ACOT7: variants seen among roughly 807,000 people sequenced by gnomAD.
The protein encoded by ACOT7 is cytosolic acyl coenzyme A thioester hydrolase.
ACOT7 carries 12 observed loss-of-function variants against 40.2 expected under a neutral mutation model. That is an observed-to-expected ratio of 0.30 (90% CI 0.19 to 0.48). The LOEUF is 0.48. ACOT7 is among the 20% of genes least tolerant of loss of function. ACOT7 has a pLI of 0.99. For synonymous variants in ACOT7, 228 were observed against 219.5 expected (o/e 1.04, Z -0.34); for missense variants, 395 against 530.8 (o/e 0.74, Z 2.51).
chr1:6,321,260 G>GT (rs1381836919), intron 5 of ACOT7, among the ~76,000 whole-genome samples: 2 of 152,216 alleles, frequency 1.3e-5, no homozygotes, highest in African/African-American at 4.8e-5. Flanking sequence ...TTACTTTAAA[G>GT]TTTGAACAGT....
At chr1:6,380,265 C>CATTT (rs1010189092) in intron 1 of ACOT7, among the ~76,000 whole-genome samples, 1 of 151,490 alleles carries the variant, frequency 6.6e-6, no homozygotes. Flanking sequence ...GAAATAAACT[C>CATTT]AAATGATATA....
intron 1 of ACOT7, among the ~76,000 whole-genome samples, chr1:6,373,134 T>C (rs1557672004): frequency 1.3e-5 from 2 of 152,060 alleles, no homozygotes; most frequent in African/African-American, 2.4e-5. Flanking sequence ...ATAACAAAAA[T>C]GATAACGAAA....
At chr1:6,344,750 C>T (rs758512887) in intron 2 of ACOT7, among the ~76,000 whole-genome samples, 29 of 108,002 alleles carry the variant, frequency 2.7e-4, no homozygotes, top group Admixed American at 7.4e-4. Context: ...GGCGACAGAG[C>T]AAGACTCTGT....
intron 8 of ACOT7, among the ~76,000 whole-genome samples, chr1:6,280,743 A>C (rs892987859): frequency 1.3e-5 from 2 of 152,180 alleles, no homozygotes; most frequent in Non-Finnish European, 2.9e-5. Flanking sequence ...ACACAATGCC[A>C]GGGAACACCA....
rs895950503 is a variant in ACOT7, at chr1:6,311,106, T to C, written c.712+7386A>G. On this transcript the variant is annotated intron_variant, in intron 6 of 8. Transcript: ENST00000361521. This position sits in a 1 kb window ranked among gnomAD's most constrained non-coding sequence, Gnocchi z 5.2. ...CAGATGAGTTTAGGAAACTCTATTGTGGCCCCTCTTCCCTGCCACATGCTC... is the reference window on the plus strand; with the variant it reads ...CAGATGAGTTTAGGAAACTCTATTGCGGCCCCTCTTCCCTGCCACATGCTC... 6.6e-6 allele frequency among the ~76,000 whole-genome samples: 1 copy of C among 152,332 alleles called. No individual in the cohort carries two copies. The highest frequency in any genetic ancestry group is 2.4e-5 in the African/African-American group (1 of 41,578).
intron 1 of ACOT7, among the ~76,000 whole-genome samples, chr1:6,390,164 G>A (rs1008647855): frequency 1.3e-5 from 2 of 152,040 alleles, no homozygotes; most frequent in African/African-American, 2.4e-5. Context: ...CACCACTCCC[G>A]CCTACTCCTT....
intron 4 of ACOT7, among the ~76,000 whole-genome samples, chr1:6,332,417 C>T (rs1431891737): frequency 6.6e-6 from 1 of 152,222 alleles, no homozygotes; most frequent in African/African-American, 2.4e-5. Flanking sequence ...TTTCTTTATT[C>T]CCAACGTCTC....
chr1:6,267,864 A>G (rs796543646), intron 8 of ACOT7, among the ~76,000 whole-genome samples: 5 of 152,314 alleles, frequency 3.3e-5, no homozygotes, highest in African/African-American at 1.2e-4. Context: ...CTGATTCACC[A>G]CTGACTCACA....
Position 6,311,738 on chromosome 1 carries a change from AACACACTCATGG to A in ACOT7, c.712+6742_712+6753del, listed in dbSNP as rs1255105883. On this transcript the variant is annotated intron_variant, in intron 6 of 8. Transcript: ENST00000361521. The surrounding 1 kb of genome is among the most constrained non-coding windows in gnomAD (Gnocchi z 5.2). ...TGGGAAACTTGCTGAGAAGAAGGGA[AACACACTCATGG>A]ACACACGAGTCCAGGAGCGCCCCTT... is the stretch of plus-strand genomic sequence containing the variant. 5.9e-5 allele frequency among the ~76,000 whole-genome samples: 9 copies of A among 152,192 alleles called. No homozygotes were observed. Among genetic ancestry groups the A allele is most frequent in the Non-Finnish European group, 1.3e-4 (9 of 68,030 alleles).
chr1:6,305,860 C>T (rs1640135269), intron 6 of ACOT7, among the ~76,000 whole-genome samples: 3 of 152,190 alleles, frequency 2.0e-5, no homozygotes, highest in East Asian at 1.9e-4. Flanking sequence ...GAGGTTGTAG[C>T]GAGCCGAGAT....
At chr1:6,370,954 G>A (rs903285834) in intron 1 of ACOT7, among the ~76,000 whole-genome samples, 2 of 151,852 alleles carry the variant, frequency 1.3e-5, no homozygotes, top group African/African-American at 4.8e-5. Flanking sequence ...GGGATTATAG[G>A]CGCCTGCCAC....
At chr1:6,383,514 T>G in intron 1 of ACOT7, among the ~76,000 whole-genome samples, 1 of 149,950 alleles carries the variant, frequency 6.7e-6, no homozygotes, top group African/African-American at 2.5e-5. Flanking sequence ...AACGGTAAAT[T>G]ATATATTATG....
chr1:6,374,785 T>G (rs1347341757), intron 1 of ACOT7, among the ~76,000 whole-genome samples: 4 of 152,084 alleles, frequency 2.6e-5, no homozygotes, highest in Non-Finnish European at 5.9e-5. Flanking sequence ...CCGTCTAACC[T>G]AGGACAAACC....
chr1:6,295,199 C>T (rs1639779327), intron 6 of ACOT7: 1 of 476,438 alleles, frequency 2.1e-6, no homozygotes, highest in Admixed American at 3.8e-5. Context: ...GGCTGATATG[C>T]CAAGCCACTA....
At chr1:6,381,809 T>A (rs1642340436) in intron 1 of ACOT7, among the ~76,000 whole-genome samples, 1 of 151,842 alleles carries the variant, frequency 6.6e-6, no homozygotes, top group Admixed American at 6.6e-5. Flanking sequence ...ATGTGGTCCA[T>A]CCATGAAATG....
intron 1 of ACOT7, among the ~76,000 whole-genome samples, chr1:6,386,851 G>A (rs1209765082): frequency 6.6e-6 from 1 of 152,236 alleles, no homozygotes; most frequent in South Asian, 2.1e-4. Flanking sequence ...CCAACTAAGC[G>A]AGACCCTGTC....
At position 6,288,567 on chromosome 1, in the gene ACOT7, C is replaced by T. The variant is rs1487590012; in HGVS notation, c.829+6297G>A. ...GAGCAGAGGAATAGCAGGTCCCTAG[C>T]GTCAAAAGGCTGTGACAATGGAGGT... On this transcript the variant is annotated intron_variant, in intron 7 of 8. Transcript: ENST00000361521. This position sits in a 1 kb window ranked among gnomAD's most constrained non-coding sequence, Gnocchi z 4.3. Among the ~76,000 whole-genome samples, 1 of 152,126 alleles carries T rather than the reference C, an allele frequency of 6.6e-6. No homozygotes were observed. The highest frequency in any genetic ancestry group is 1.5e-5 in the Non-Finnish European group (1 of 68,018).
chr1:6,349,527 G>A (rs978642827), intron 2 of ACOT7, among the ~76,000 whole-genome samples: 1 of 152,210 alleles, frequency 6.6e-6, no homozygotes, highest in African/African-American at 2.4e-5. Context: ...CTTGCTTGAC[G>A]CTTCATCTCT....
chr1:6,328,956 C>T (rs905974409), intron 4 of ACOT7, among the ~76,000 whole-genome samples: 1 of 152,222 alleles, frequency 6.6e-6, no homozygotes, highest in Admixed American at 6.5e-5. Context: ...GGCCAGGGGC[C>T]GACTACCACC....
Sources: allele counts gnomAD v4.1 joint callset (sites outside exome capture counted in the v4.1 genomes callset), GRCh38; gene constraint gnomAD v4.1.1; non-coding constraint Gnocchi (gnomAD v3.1); transcripts MANE v1.5; gene names NCBI Gene and HGNC (gene_info 2026-07-23, HGNC 2026-07-21).